SERF1B: variants seen among roughly 807,000 people sequenced by gnomAD.
SERF1B encodes small EDRK-rich factor 1B.
At chr5:70,037,683 T>C (rs1774212601) in intron 2 of SERF1B, among the ~76,000 whole-genome samples, 1 of 115,646 alleles carries the variant, frequency 8.6e-6, no homozygotes. Context: ...AGGCCGGGCA[T>C]GGTGGCTCAT....
chr5:70,028,907 G>T, intron 2 of SERF1B, among the ~76,000 whole-genome samples: 2 of 151,186 alleles, frequency 1.3e-5, no homozygotes, highest in Non-Finnish European at 3.0e-5. Context: ...AACCCGGGAG[G>T]CGGAGCTTGC....
intron 2 of SERF1B, among the ~76,000 whole-genome samples, chr5:70,038,483 G>A (rs1280104831): frequency 1.6e-5 from 1 of 61,710 alleles, no homozygotes; most frequent in African/African-American, 7.4e-5. Flanking sequence ...GGTGGCAGGC[G>A]CCTGTAGTCC....
intron 2 of SERF1B, among the ~76,000 whole-genome samples, chr5:70,035,392 T>TTTG (rs1561408262): frequency 1.4e-5 from 2 of 138,038 alleles, no homozygotes; most frequent in East Asian, 4.0e-4. Context: ...TATTTTTTTT[T>TTTG]TTTTTTGAGA....
Position 70,036,623 on chromosome 5 carries a change from A to T in SERF1B, c.117-4901A>T, listed in dbSNP as rs1046522220. On this transcript the variant is annotated intron_variant, in intron 2 of 2. Coordinates refer to ENST00000380750, the MANE Select transcript of SERF1B (RefSeq NM_022978.3). ...CACACACACACACACACACACACAC[A>T]CACACACTCTCTCTCTCTCTCTCTC... is the stretch of plus-strand genomic sequence containing the variant. Among the ~76,000 whole-genome samples the T allele has an allele frequency of 4.6e-4, 38 of 83,340 alleles. No individual in the cohort carries two copies. In the East Asian group the frequency reaches 8.5e-3, roughly 19 times the overall value. The allele number at this position is 83,340 out of a possible 152,430, so 54.7% of individuals were successfully genotyped here.
intron 2 of SERF1B, among the ~76,000 whole-genome samples, chr5:70,036,629 A>ACACACACCCTCTCTCT (rs763495681): frequency 2.0e-5 from 1 of 49,838 alleles, no homozygotes; most frequent in African/African-American, 6.7e-5. Context: ...ACACACACAC[A>ACACACACCCTCTCTCT]CTCTCTCTCT....
intron 2 of SERF1B, among the ~76,000 whole-genome samples, 174 bp from the exon 3 acceptor site, chr5:70,041,350 C>G (rs1243801073): frequency 6.7e-6 from 1 of 148,422 alleles, no homozygotes; most frequent in Non-Finnish European, 1.5e-5. Flanking sequence ...AGTCCCATTC[C>G]CCTGAACTAA....
chr5:70,036,629 A>ACACTCTCTCTCTCT (rs763495681), intron 2 of SERF1B, among the ~76,000 whole-genome samples: 168 of 49,922 alleles, frequency 3.4e-3, no homozygotes, highest in South Asian at 0.012. Flanking sequence ...ACACACACAC[A>ACACTCTCTCTCTCT]CTCTCTCTCT....
chr5:70,041,296 A>G (rs1205657267), intron 2 of SERF1B, among the ~76,000 whole-genome samples: 6 of 148,012 alleles, frequency 4.1e-5, no homozygotes, highest in Non-Finnish European at 4.4e-5. Flanking sequence ...AAATACACTC[A>G]ATTTATATAC....
In SERF1B at chr5:70,036,629, A is replaced by ACACTCTCTCTCT. The variant is rs763495681; in HGVS notation, c.117-4894_117-4893insACTCTCTCTCTC. Among the ~76,000 whole-genome samples, 431 of 50,030 alleles carry ACACTCTCTCTCT rather than the reference A, an allele frequency of 8.6e-3. 1 individual carries two copies. Among genetic ancestry groups the ACACTCTCTCTCT allele is most frequent in the East Asian group, 0.02 (25 of 1,260 alleles). The allele number at this position is 50,030 out of a possible 152,430, so 32.8% of individuals were successfully genotyped here. A position where few individuals can be genotyped will look rare whatever the true frequency, so the allele number is the denominator to read the frequency against. On this transcript the variant is annotated intron_variant, in intron 2 of 2. Coordinates refer to ENST00000380750, the MANE Select transcript of SERF1B (RefSeq NM_022978.3). The stretch of plus-strand genomic sequence containing the variant: ...CACACACACACACACACACACACAC[A>ACACTCTCTCTCT]CTCTCTCTCTCTCTCTCTCTCTCTC...
chr5:70,036,633 T>TCTCTCG (rs1447339472), intron 2 of SERF1B, among the ~76,000 whole-genome samples: 78 of 134,612 alleles, frequency 5.8e-4, no homozygotes, highest in African/African-American at 2.5e-3. Flanking sequence ...ACACACACTC[T>TCTCTCG]CTCTCTCTCT....
chr5:70,028,543 A>C, intron 2 of SERF1B, among the ~76,000 whole-genome samples: 3 of 121,250 alleles, frequency 2.5e-5, no homozygotes, highest in Admixed American at 8.5e-5. Flanking sequence ...ACAGAGCGAG[A>C]CTCCGTCTCA....
At chr5:70,028,559 A>AAG (rs1554065233) in intron 2 of SERF1B, among the ~76,000 whole-genome samples, 6 of 134,044 alleles carry the variant, frequency 4.5e-5, no homozygotes, top group African/African-American at 1.7e-4. Context: ...TCTCAAAAAA[A>AAG]AAAAAAGCCA....
chr5:70,038,176 A>G (rs1774224376), intron 2 of SERF1B, among the ~76,000 whole-genome samples: 3 of 150,632 alleles, frequency 2.0e-5, no homozygotes, highest in South Asian at 4.2e-4. Flanking sequence ...TTATGAACAT[A>G]TATCACATGA....
intron 2 of SERF1B, among the ~76,000 whole-genome samples, chr5:70,029,456 T>G (rs1774118130): frequency 6.6e-6 from 1 of 150,610 alleles, no homozygotes; most frequent in Non-Finnish European, 1.5e-5. Flanking sequence ...TTTTTTTTTT[T>G]TTTGAATTTT....
At chr5:70,037,960 CA>C (rs1409595991) in intron 2 of SERF1B, among the ~76,000 whole-genome samples, 4 of 93,244 alleles carry the variant, frequency 4.3e-5, no homozygotes, top group Admixed American at 1.1e-4. Flanking sequence ...GACTCTGTCT[CA>C]AAAAAAAAAC....
chr5:70,036,629 A>ACACACT (rs763495681), intron 2 of SERF1B, among the ~76,000 whole-genome samples: 114 of 49,908 alleles, frequency 2.3e-3, no homozygotes, highest in Non-Finnish European at 2.7e-3. Flanking sequence ...ACACACACAC[A>ACACACT]CTCTCTCTCT....
intron 2 of SERF1B, among the ~76,000 whole-genome samples, chr5:70,036,623 A>ACT (rs1561408550): frequency 6.0e-5 from 5 of 83,462 alleles, no homozygotes; most frequent in East Asian, 6.3e-4. Context: ...ACACACACAC[A>ACT]CACACACTCT....
intron 2 of SERF1B, chr5:70,029,662 CAGGTG>C (rs1221380932): frequency 4.7e-6 from 2 of 422,034 alleles, no homozygotes; most frequent in African/African-American, 4.2e-5. Flanking sequence ...AAACAGCTCC[CAGGTG>C]ATTCTAATGT....
chr5:70,038,250 G>A (rs1194890081), intron 2 of SERF1B, among the ~76,000 whole-genome samples: 1 of 150,332 alleles, frequency 6.7e-6, no homozygotes, highest in East Asian at 2.0e-4. Flanking sequence ...CACTCAAGGG[G>A]GCTGTTAGGG....
Sources: gnomAD v4.1 joint callset for allele counts (sites outside exome capture counted in the v4.1 genomes callset) on GRCh38, gnomAD v4.1.1 for gene constraint, MANE v1.5 for transcripts, NCBI Gene and HGNC (gene_info 2026-07-23, HGNC 2026-07-21) for gene names.